Variants in DOCK3 observed in about 807,000 individuals in gnomAD.
The protein encoded by DOCK3 is dedicator of cytokinesis protein 3.
A neutral mutation model predicts 265.6 loss-of-function variants in DOCK3; 60 were observed. That is an observed-to-expected ratio of 0.23 (90% CI 0.18 to 0.28). DOCK3 has a LOEUF of 0.28. DOCK3 is among the 10% of genes least tolerant of loss of function. The pLI, the probability that DOCK3 is intolerant of heterozygous loss-of-function variation, is 1.00. For missense variants in DOCK3, 1,981 were observed against 2,594.3 expected (o/e 0.76, Z 5.14); for synonymous variants, 881 against 938.0 (o/e 0.94, Z 1.11).
intron 14 of DOCK3, among the ~76,000 whole-genome samples, chr3:51,215,704 C>G (rs572914894): frequency 3.9e-5 from 6 of 152,308 alleles, no homozygotes; most frequent in African/African-American, 1.2e-4. Flanking sequence ...CACCTTCATT[C>G]TCTCTCCATA....
chr3:51,269,729 G>A (rs190790121), intron 23 of DOCK3, among the ~76,000 whole-genome samples: 1 of 152,182 alleles, frequency 6.6e-6, no homozygotes, highest in Non-Finnish European at 1.5e-5. Context: ...AGGGGACTGA[G>A]AAGTGAAAAG....
Position 51,355,730 on chromosome 3 carries a change from A to G in DOCK3, c.4250-359A>G, listed in dbSNP as rs531432285. The stretch of plus-strand genomic sequence containing the variant: ...TCTTCAGTAAATATGCTTTACCTAT[A>G]GAGGGGAAGCCCAGACCCTTGCAGC... On this transcript the variant is annotated intron_variant, in intron 41 of 52. Transcript: ENST00000266037. 1.1e-4 allele frequency among the ~76,000 whole-genome samples: 17 copies of G among 152,316 alleles called. No homozygotes were observed. The South Asian group carries it at 3.1e-3, about 28-fold the overall frequency.
At chr3:50,842,243 C>T (rs765647608) in intron 3 of DOCK3, among the ~76,000 whole-genome samples, 1 of 152,052 alleles carries the variant, frequency 6.6e-6, no homozygotes, top group African/African-American at 2.4e-5. Context: ...TAGAAATAAT[C>T]TTTCCCAATA....
At chr3:51,193,342 A>T (rs1477886683) in intron 12 of DOCK3, among the ~76,000 whole-genome samples, 1 of 152,198 alleles carries the variant, frequency 6.6e-6, no homozygotes, top group Non-Finnish European at 1.5e-5. Flanking sequence ...GGATGTTAGC[A>T]TCTGTGTTTA....
intron 5 of DOCK3, among the ~76,000 whole-genome samples, chr3:51,023,203 AT>A (rs2079668235): frequency 6.6e-6 from 1 of 151,038 alleles, no homozygotes; most frequent in African/African-American, 2.4e-5. Flanking sequence ...AGGTTTGGCC[AT>A]TTTATATAAT....
intron 4 of DOCK3, among the ~76,000 whole-genome samples, chr3:50,927,152 C>T (rs1437224798): frequency 6.6e-6 from 1 of 152,092 alleles, no homozygotes; most frequent in East Asian, 1.9e-4. Context: ...TTGGGATTAG[C>T]TTTGTCACTT....
rs1441350058 is a variant in DOCK3, at chr3:51,237,477, C to T, written c.2002-13C>T. 7 of 1,611,038 alleles carry T rather than the reference C, an allele frequency of 4.3e-6. No homozygotes were observed. The Admixed American group carries it at 5.0e-5, about 12-fold the overall frequency. Reference sequence around the variant, plus strand: ...CCAGTGAACCCTGATGGCTTACTCTCCATATCTCCCAGGTGTTCATCATCA... The same window carrying T: ...CCAGTGAACCCTGATGGCTTACTCTTCATATCTCCCAGGTGTTCATCATCA... On this transcript the variant is annotated splice_polypyrimidine_tract_variant and intron_variant, in intron 20 of 52. Transcript: ENST00000266037.
At chr3:50,900,959 C>A in intron 4 of DOCK3, 1 of 423,886 alleles carries the variant, frequency 2.4e-6, no homozygotes, top group Non-Finnish European at 4.6e-6. Flanking sequence ...GGGTCAGGGA[C>A]CCACCTGAGG....
chr3:50,927,812 CATT>C (rs1389581195), intron 4 of DOCK3, among the ~76,000 whole-genome samples: 1 of 152,132 alleles, frequency 6.6e-6, no homozygotes, highest in Non-Finnish European at 1.5e-5. Flanking sequence ...TGTGTCTCTA[CATT>C]CTGCCTAGGG....
chr3:50,841,614 T>C, intron 2 of DOCK3, 61 bp from the exon 3 acceptor site: 1 of 730,610 alleles, frequency 1.4e-6, no homozygotes. Flanking sequence ...CAAAAAATAC[T>C]ATTGTGTCTC....
intron 5 of DOCK3, among the ~76,000 whole-genome samples, chr3:51,064,232 C>T (rs2081514120): frequency 6.6e-6 from 1 of 152,054 alleles, no homozygotes; most frequent in African/African-American, 2.4e-5. Context: ...TTTGCATGAT[C>T]CAAATCAATT....
intron 1 of DOCK3, among the ~76,000 whole-genome samples, chr3:50,770,883 T>C (rs2041234011): frequency 6.6e-6 from 1 of 152,210 alleles, no homozygotes; most frequent in Non-Finnish European, 1.5e-5. Context: ...CTTCAATAAA[T>C]GGTGCTGGGG....
intron 39 of DOCK3, 131 bp from the exon 40 acceptor site, chr3:51,350,157 C>G (rs1430592614): frequency 8.1e-6 from 6 of 740,866 alleles, no homozygotes; most frequent in Non-Finnish European, 1.3e-5. Context: ...TGTCTAGAGG[C>G]TCACTTACTT....
At chr3:51,245,292 G>T (rs545789358) in intron 21 of DOCK3, among the ~76,000 whole-genome samples, 1 of 152,004 alleles carries the variant, frequency 6.6e-6, no homozygotes, top group African/African-American at 2.4e-5. Context: ...AGCCGAGGTC[G>T]CGTCACTGCA....
rs371350319 is a variant in DOCK3 at position 50,679,162 on chromosome 3, C to T, written c.37+3862C>T. 5.3e-5 allele frequency among the ~76,000 whole-genome samples: 8 copies of T among 152,130 alleles called. No homozygotes were observed. The East Asian group carries it at 1.5e-3, about 29-fold the overall frequency. ...AATTAAAAAAAATTTTTTTTAGTGA[C>T]ATGGTCTTGCTATGTTGCCCAGGCT... On this transcript the variant is annotated intron_variant, in intron 1 of 52. Transcript: ENST00000266037.
chr3:51,079,217 C>T (rs1368214817), intron 7 of DOCK3, among the ~76,000 whole-genome samples: 1 of 152,128 alleles, frequency 6.6e-6, no homozygotes, highest in African/African-American at 2.4e-5. Flanking sequence ...AGTTTGCACT[C>T]ATAGCATTTT....
intron 3 of DOCK3, among the ~76,000 whole-genome samples, chr3:50,878,240 C>T (rs889420808): frequency 6.6e-6 from 1 of 152,114 alleles, no homozygotes; most frequent in Non-Finnish European, 1.5e-5. Flanking sequence ...GAATGCAGCT[C>T]CTCGCCAGCA....
rs186009853 is a variant in DOCK3 at position 51,189,491 on chromosome 3, C to T, written c.1038-19283C>T. On this transcript the variant is annotated intron_variant, in intron 12 of 52. Coordinates refer to ENST00000266037, the MANE Select transcript of DOCK3 (RefSeq NM_004947.5). ...TTTGCTTACCAAAGCTTAGGTCCCA[C>T]TTATAAGTAAGAACATACAGTATTT... Among the ~76,000 whole-genome samples, 5 of 152,300 alleles carry T rather than the reference C, an allele frequency of 3.3e-5. No individual in the cohort carries two copies. The South Asian group carries it at 8.3e-4, about 25-fold the overall frequency.
intron 31 of DOCK3, among the ~76,000 whole-genome samples, chr3:51,314,634 A>G (rs2083266949): frequency 6.6e-6 from 1 of 152,220 alleles, no homozygotes; most frequent in South Asian, 2.1e-4. Flanking sequence ...AACACTGTGA[A>G]TAGACCATCT....
Sources: gnomAD v4.1 joint callset for allele counts (sites outside exome capture counted in the v4.1 genomes callset) on GRCh38, gnomAD v4.1.1 for gene constraint, MANE v1.5 for transcripts, NCBI Gene and HGNC (gene_info 2026-07-23, HGNC 2026-07-21) for gene names.